TENM3: variants seen among roughly 807,000 people sequenced by gnomAD.
TENM3 encodes the protein teneurin transmembrane protein 3.
Under a neutral mutation model 255.1 loss-of-function variants are expected in TENM3, and 63 were observed. That is an observed-to-expected ratio of 0.25 (90% CI 0.20 to 0.30). The LOEUF is 0.30. Among genes scored for constraint, TENM3 ranks in the 10% least tolerant of loss-of-function variants. The pLI is 1.00. For synonymous variants in TENM3, 1,306 were observed against 1,322.3 expected (o/e 0.99, Z 0.27); for missense variants, 2,929 against 3,461.1 (o/e 0.85, Z 3.86).
the TENM3 span, among the ~76,000 whole-genome samples, chr4:182,123,439 T>A: frequency 4.6e-3 from 702 of 152,294 alleles, 5 homozygotes; most frequent in African/African-American, 0.016. Flanking sequence ...ACTCTTCCTT[T>A]CACTTGAACA....
the TENM3 span, among the ~76,000 whole-genome samples, chr4:181,508,892 CTTTTTTTTTTT>C: frequency 1.9e-4 from 10 of 53,816 alleles, no homozygotes; most frequent in Admixed American, 1.0e-3. Flanking sequence ...ATTTCCAACA[CTTTTTTTTTTT>C]TTTTTTTTTT....
intron 6 of TENM3, among the ~76,000 whole-genome samples, chr4:182,656,050 A>C (rs1753716956): frequency 6.6e-6 from 1 of 152,220 alleles, no homozygotes; most frequent in Non-Finnish European, 1.5e-5. Flanking sequence ...AGGGGGACTG[A>C]AGTTCCCCCA....
the TENM3 span, among the ~76,000 whole-genome samples, chr4:181,616,335 ACACAC>A: frequency 6.9e-6 from 1 of 144,784 alleles, no homozygotes; most frequent in East Asian, 2.0e-4. Flanking sequence ...ACACACACAC[ACACAC>A]ACACACACGT....
intron 1 of TENM3, among the ~76,000 whole-genome samples, chr4:182,160,012 C>CTTTTTTTTTTTTTTTTTTT (rs71605052): frequency 6.6e-6 from 1 of 151,096 alleles, no homozygotes; most frequent in Non-Finnish European, 1.5e-5. Context: ...TATTCCGGTT[C>CTTTTTTTTTTTTTTTTTTT]TTTTTTTTGA....
the TENM3 span, among the ~76,000 whole-genome samples, chr4:181,971,335 TAAAG>T: frequency 6.6e-6 from 1 of 152,016 alleles, no homozygotes; most frequent in South Asian, 2.1e-4. Context: ...AAATATTTGT[TAAAG>T]AAAGAAACAG....
intron 11 of TENM3, among the ~76,000 whole-genome samples, chr4:182,682,301 C>G (rs912956244): frequency 6.6e-6 from 1 of 152,100 alleles, no homozygotes; most frequent in African/African-American, 2.4e-5. Flanking sequence ...GAACTACTAA[C>G]CAAAACTAAC....
the TENM3 span, among the ~76,000 whole-genome samples, chr4:182,094,499 G>T: frequency 6.6e-6 from 1 of 152,210 alleles, no homozygotes; most frequent in Non-Finnish European, 1.5e-5. Flanking sequence ...GCCCGCCTCG[G>T]CATCCCAAAG....
At chr4:182,777,535 G>GTGTGTGTA (rs1764775081) in intron 24 of TENM3, among the ~76,000 whole-genome samples, 1 of 139,910 alleles carries the variant, frequency 7.1e-6, no homozygotes, top group Non-Finnish European at 1.5e-5. Context: ...GTGTGTGTGT[G>GTGTGTGTA]TGTGTGTATT....
chr4:181,605,584 G>GATAGAAAGAAAGAAA, the TENM3 span, among the ~76,000 whole-genome samples: 15 of 69,194 alleles, frequency 2.2e-4, 3 homozygotes, highest in East Asian at 4.0e-4. Flanking sequence ...GAGAAAGAAA[G>GATAGAAAGAAAGAAA]GAAAGAAAGA....
At chr4:182,527,794 C>G (rs1739367031) in intron 3 of TENM3, among the ~76,000 whole-genome samples, 1 of 152,004 alleles carries the variant, frequency 6.6e-6, no homozygotes, top group African/African-American at 2.4e-5. Flanking sequence ...GCGGCACAAT[C>G]TCGGCTCACT....
At chr4:182,314,822 T>C (rs1423901189) in intron 1 of TENM3, among the ~76,000 whole-genome samples, 1 of 152,230 alleles carries the variant, frequency 6.6e-6, no homozygotes. Flanking sequence ...GCATTTGATC[T>C]GTACCATATT....
the TENM3 span, among the ~76,000 whole-genome samples, chr4:182,108,819 G>A: frequency 1.4e-4 from 21 of 152,120 alleles, no homozygotes; most frequent in Non-Finnish European, 2.5e-4. Flanking sequence ...GTCTTTCACT[G>A]TAAATCATTT....
At chr4:182,192,825 T>C (rs1410544313) in intron 1 of TENM3, among the ~76,000 whole-genome samples, 1 of 152,144 alleles carries the variant, frequency 6.6e-6, no homozygotes, top group South Asian at 2.1e-4. Flanking sequence ...TCCATGGATT[T>C]GGTAAAAAAT....
the TENM3 span, among the ~76,000 whole-genome samples, chr4:182,080,822 C>A: frequency 7.3e-6 from 1 of 136,874 alleles, no homozygotes; most frequent in African/African-American, 2.5e-5. Flanking sequence ...GGAGACCCCG[C>A]CTTTATAAAA....
At chr4:181,708,426 G>C in the TENM3 span, among the ~76,000 whole-genome samples, 3 of 152,126 alleles carry the variant, frequency 2.0e-5, no homozygotes, top group African/African-American at 7.2e-5. Flanking sequence ...ATTAGAACGA[G>C]ATAAGAGAAA....
chr4:181,921,825 G>A, the TENM3 span, among the ~76,000 whole-genome samples: 2 of 152,084 alleles, frequency 1.3e-5, no homozygotes, highest in African/African-American at 2.4e-5. Flanking sequence ...TTTTCAAAGG[G>A]AATGCTTCCA....
the TENM3 span, among the ~76,000 whole-genome samples, chr4:181,607,772 C>T: frequency 1.5e-4 from 23 of 152,298 alleles, no homozygotes; most frequent in Non-Finnish European, 2.6e-4. Context: ...CTAGATCTTT[C>T]TTGCAGTTTA....
intron 22 of TENM3, among the ~76,000 whole-genome samples, chr4:182,771,940 C>CCGCT (rs1764265936): frequency 1.3e-5 from 2 of 152,170 alleles, no homozygotes; most frequent in African/African-American, 4.8e-5. Flanking sequence ...CCCGTTCCTG[C>CCGCT]CGCTGGCTGA....
intron 3 of TENM3, among the ~76,000 whole-genome samples, chr4:182,497,560 A>G (rs1735894684): frequency 6.6e-6 from 1 of 152,208 alleles, no homozygotes; most frequent in African/African-American, 2.4e-5. Context: ...TTGAATGTTC[A>G]TACAACTGGC....
Sources: gnomAD v4.1 joint callset for allele counts (sites outside exome capture counted in the v4.1 genomes callset) on GRCh38, gnomAD v4.1.1 for gene constraint, MANE v1.5 for transcripts, NCBI Gene and HGNC (gene_info 2026-07-23, HGNC 2026-07-21) for gene names.